The following SPPL2A variants were observed in gnomAD, a reference collection of about 807,000 sequenced individuals.
SPPL2A encodes the protein signal peptide peptidase-like 2A.
In SPPL2A, 51 loss-of-function variants were observed where a neutral mutation model predicts 63.8. The observed-to-expected ratio is 0.80, with a 90% CI of 0.64 to 1.01. The LOEUF is 1.01. Ranked by LOEUF, SPPL2A falls within the 50% of genes least tolerant of loss-of-function variation. The probability of loss-of-function intolerance (pLI) is 0.00; values close to 1 mark genes in which losing one functional copy is unlikely to be tolerated. For synonymous variants in SPPL2A, 188 were observed against 205.8 expected (o/e 0.91, Z 0.74); for missense variants, 553 against 622.7 (o/e 0.89, Z 1.19).
chr15:50,730,985 T>A lies in SPPL2A; in HGVS notation c.1069A>T (p.Ile357Leu). The A allele has an allele frequency of 1.4e-6, 2 of 1,462,648 alleles. No homozygotes were observed. Among genetic ancestry groups the A allele is most frequent in the Non-Finnish European group, 1.9e-6 (2 of 1,045,068 alleles). 90.6% of individuals were successfully genotyped at this position (1,462,648 alleles called of 1,614,324 possible). A position where few individuals can be genotyped will look rare whatever the true frequency, so the allele number is the denominator to read the frequency against. ...LLLYDVFFVF[I>L]TPFITKNGES... is the part of the protein sequence containing the mutation. ...CATACCTTTGTGATGAATGGTGTTA[T>A]GAAAACAAAAAATACATCATAGAGG... The change falls in exon 10 of 15, where the codon ATA becomes TTA. Residue 357 changes from isoleucine (I) to leucine (L), a missense_variant. By Grantham distance (5) the Ile-to-Leu change is conservative (BLOSUM62 2). Coordinates refer to ENST00000261854, the MANE Select transcript of SPPL2A (RefSeq NM_032802.4).
At chr15:50,753,367 C>T (rs12440570) in intron 1 of SPPL2A, among the ~76,000 whole-genome samples, 24,511 of 152,078 alleles carry the variant, frequency 0.16, 2,532 homozygotes, top group East Asian at 0.45. Context: ...TAAGCCTTTC[C>T]ATGACATTTT....
intron 5 of SPPL2A, among the ~76,000 whole-genome samples, chr15:50,742,413 A>G (rs2062829635): frequency 6.6e-6 from 1 of 151,972 alleles, no homozygotes; most frequent in Non-Finnish European, 1.5e-5. Flanking sequence ...AGATTTTAAC[A>G]CTGTGCTGAA....
chr15:50,747,542 C>T lies in SPPL2A; in HGVS notation c.537G>A (p.Ala179=), dbSNP rs758738881. 59 of 1,611,530 alleles carry T rather than the reference C, an allele frequency of 3.7e-5. No homozygotes were observed. The East Asian group carries it at 7.1e-4, about 19-fold the overall frequency. The change falls in exon 5 of 15, where the codon GCG becomes GCA. Residue 179 remains alanine, a synonymous_variant. Transcript: ENST00000261854. ...DYTMVVIFVI[A]VFTVALGGYW... is the part of the protein sequence containing the mutation. ...ATCCACCTAATGCCACAGTGAACAC[C>T]GCAATTACAAAAATAACCACCATAG...
chr15:50,716,337 A>G (rs1201650671), intron 14 of SPPL2A, among the ~76,000 whole-genome samples: 4 of 151,738 alleles, frequency 2.6e-5, no homozygotes, highest in Non-Finnish European at 5.9e-5. Context: ...TGGGATTACA[A>G]GTATGTGCCA....
intron 14 of SPPL2A, among the ~76,000 whole-genome samples, chr15:50,716,448 G>C (rs1382905803): frequency 6.6e-6 from 1 of 152,146 alleles, no homozygotes; most frequent in African/African-American, 2.4e-5. Flanking sequence ...GCCCGCCTCA[G>C]CCTCCCAAAC....
chr15:50,747,479 A>G lies in SPPL2A; in HGVS notation c.584+16T>C. On this transcript the variant is annotated intron_variant, in intron 5 of 14. Transcript: ENST00000261854. Reference sequence around the variant, plus strand: ...TAACCATTTATTACAAAAACGCTTAAGTTAATTAAACTTACAATTCAACTA... The same window carrying G: ...TAACCATTTATTACAAAAACGCTTAGGTTAATTAAACTTACAATTCAACTA... The G allele has an allele frequency of 6.3e-7, 1 of 1,588,006 alleles. No homozygotes were observed. The highest frequency in any genetic ancestry group is 8.5e-7 in the Non-Finnish European group (1 of 1,171,480).
At position 50,732,832 on chromosome 15, in the gene SPPL2A, A is replaced by G. The variant is rs563370012; in HGVS notation, c.933-148T>C. 41 of 585,746 alleles carry G rather than the reference A, an allele frequency of 7.0e-5. 2 individuals carry two copies. The highest frequency in any genetic ancestry group is 4.6e-4 in the African/African-American group (24 of 52,246). The allele number at this position is 585,746 out of a possible 1,614,324, so 36.3% of individuals were successfully genotyped here. ...AAGACAGATTCTCACTCTGTCACCCAGGCTGGAGTGCAGTGGCATGATCTC... is the reference window on the plus strand; with the variant it reads ...AAGACAGATTCTCACTCTGTCACCCGGGCTGGAGTGCAGTGGCATGATCTC... On this transcript the variant is annotated intron_variant, in intron 8 of 14. Coordinates refer to ENST00000261854, the MANE Select transcript of SPPL2A (RefSeq NM_032802.4).
In SPPL2A at chr15:50,704,645, G is replaced by A. The variant is rs1414806469; in HGVS notation, c.*3155C>T. 3 of 152,098 alleles carry A rather than the reference G, an allele frequency of 2.0e-5. No homozygotes were observed. Among genetic ancestry groups the A allele is most frequent in the African/African-American group, 7.2e-5 (3 of 41,432 alleles). 9.4% of individuals were successfully genotyped at this position (152,098 alleles called of 1,614,324 possible). ...AAAGTTATTGGTGGTGGGAGGGCAA[G>A]AGAGGAAGAGATGGCAGCTTTTTAA... On this transcript the variant is annotated 3_prime_UTR_variant, in exon 15 of 15. Coordinates refer to ENST00000261854, the MANE Select transcript of SPPL2A (RefSeq NM_032802.4).
intron 1 of SPPL2A, among the ~76,000 whole-genome samples, chr15:50,758,203 G>A (rs2062977952): frequency 6.8e-6 from 1 of 148,102 alleles, no homozygotes; most frequent in African/African-American, 2.5e-5. Context: ...GCAGGAGAAT[G>A]GCGTGAACCT....
chr15:50,750,977 T>C (rs1386087002), intron 1 of SPPL2A, among the ~76,000 whole-genome samples: 3 of 152,238 alleles, frequency 2.0e-5, no homozygotes, highest in Non-Finnish European at 4.4e-5. Flanking sequence ...GGTAGTTTCA[T>C]ACAAGTCAAC....
In SPPL2A at chr15:50,747,356, T is replaced by C. The variant is rs369724437; in HGVS notation, c.584+139A>G. On this transcript the variant is annotated intron_variant, in intron 5 of 14. Transcript: ENST00000261854. ...CTGGTGAAAATGTAAATGATCTACA[T>C]GAGGACAAACCTGCAGACTGGGCTT... 1.9e-5 allele frequency: 13 copies of C among 696,272 alleles called. No homozygotes were observed. The African/African-American group carries it at 2.0e-4, about 11-fold the overall frequency. 43.1% of individuals were successfully genotyped at this position (696,272 alleles called of 1,614,324 possible).
chr15:50,762,649 T>C (rs941599840), intron 1 of SPPL2A, among the ~76,000 whole-genome samples: 2 of 152,100 alleles, frequency 1.3e-5, no homozygotes, highest in African/African-American at 4.8e-5. Flanking sequence ...TTCTGAAGAC[T>C]ACGTGCTGCT....
Position 50,713,268 on chromosome 15 carries a change from A to ATT in SPPL2A, c.1489-5396_1489-5395dup, listed in dbSNP as rs72061371. Among the ~76,000 whole-genome samples the ATT allele has an allele frequency of 8.1e-3, 1,137 of 140,944 alleles. 17 individuals are homozygous for ATT. The highest frequency in any genetic ancestry group is 0.023 in the African/African-American group (879 of 38,376). 92.5% of individuals were successfully genotyped at this position (140,944 alleles called of 152,430 possible). On this transcript the variant is annotated intron_variant, in intron 14 of 14. Coordinates refer to ENST00000261854, the MANE Select transcript of SPPL2A (RefSeq NM_032802.4). ...TCTGAAAAAATACTCTTTCCTGAGT[A>ATT]TTTTTTTTTTTTTTTTGAGATAGAG...
At chr15:50,732,763 A>G (rs566180124) in intron 8 of SPPL2A, 79 bp from the exon 9 acceptor site, 2 of 793,668 alleles carry the variant, frequency 2.5e-6, no homozygotes, top group Admixed American at 2.4e-5. Flanking sequence ...CACTGAGGTA[A>G]TATCATTTAA....
chr15:50,711,754 C>A (rs914170909), intron 14 of SPPL2A, among the ~76,000 whole-genome samples: 1 of 152,134 alleles, frequency 6.6e-6, no homozygotes, highest in South Asian at 2.1e-4. Flanking sequence ...TTGCACTCAA[C>A]TCTATTATCA....
intron 8 of SPPL2A, 152 bp from the exon 9 acceptor site, chr15:50,732,836 T>G (rs985019738): frequency 1.7e-6 from 1 of 576,906 alleles, no homozygotes; most frequent in Non-Finnish European, 3.1e-6. Context: ...TCACCCAGGC[T>G]GGAGTGCAGT....
chr15:50,747,681 G>C, intron 4 of SPPL2A, 53 bp from the exon 5 acceptor site: 2 of 1,335,714 alleles, frequency 1.5e-6, no homozygotes, highest in Non-Finnish European at 2.1e-6. Flanking sequence ...TTCTACTATA[G>C]TCATAACAGC....
At chr15:50,751,373 C>G (rs980298793) in intron 1 of SPPL2A, among the ~76,000 whole-genome samples, 1 of 152,138 alleles carries the variant, frequency 6.6e-6, no homozygotes, top group African/African-American at 2.4e-5. Context: ...ACTAACGTAA[C>G]CTACCTAAGG....
chr15:50,742,804 T>G (rs2062832638), intron 5 of SPPL2A: 1 of 152,130 alleles, frequency 6.6e-6, no homozygotes, highest in African/African-American at 2.4e-5. Context: ...GGCAACAAAT[T>G]ACTTGTTTCT....
Sources: gnomAD v4.1 joint callset for allele counts (sites outside exome capture counted in the v4.1 genomes callset) on GRCh38, gnomAD v4.1.1 for gene constraint, MANE v1.5 for transcripts, NCBI Gene and HGNC (gene_info 2026-07-23, HGNC 2026-07-21) for gene names.